Variants in ABCB4 observed in about 807,000 individuals in gnomAD.
ABCB4 encodes the protein ATP binding cassette subfamily B member 4.
ABCB4 carries 76 observed loss-of-function variants against 145.7 expected under a neutral mutation model. That is an observed-to-expected ratio of 0.52 (90% CI 0.43 to 0.63). The LOEUF is 0.63. ABCB4 is among the 30% of genes least tolerant of loss of function. The probability of loss-of-function intolerance (pLI) is 0.00; values close to 1 mark genes in which losing one functional copy is unlikely to be tolerated. For synonymous variants in ABCB4, 517 were observed against 566.8 expected (o/e 0.91, Z 1.25); for missense variants, 1,234 against 1,553.1 (o/e 0.79, Z 3.45).
At chr7:87,429,442 C>T (rs1810053226) in intron 15 of ABCB4, among the ~76,000 whole-genome samples, 1 of 152,166 alleles carries the variant, frequency 6.6e-6, no homozygotes, top group Non-Finnish European at 1.5e-5. Context: ...TACAACTTTT[C>T]CTAAGAAAGT....
intron 19 of ABCB4, among the ~76,000 whole-genome samples, chr7:87,419,052 C>T (rs1053110019): frequency 6.6e-6 from 1 of 152,126 alleles, no homozygotes; most frequent in Non-Finnish European, 1.5e-5. Flanking sequence ...TGGTTTCTCA[C>T]CAAGCTTTTG....
intron 9 of ABCB4, 68 bp from the exon 10 acceptor site, chr7:87,445,043 G>T: frequency 9.7e-7 from 1 of 1,028,940 alleles, no homozygotes; most frequent in Non-Finnish European, 1.5e-6. Context: ...AAAATGTGAT[G>T]TATATGTAAC....
At chr7:87,412,442 T>C (rs1359180936) in intron 22 of ABCB4, among the ~76,000 whole-genome samples, 2 of 152,194 alleles carry the variant, frequency 1.3e-5, no homozygotes, top group African/African-American at 4.8e-5. Flanking sequence ...TGTAACTAAT[T>C]GTACTCTGTT....
intron 12 of ABCB4, 79 bp downstream of exon 12, chr7:87,443,240 T>C: frequency 6.3e-7 from 1 of 1,587,598 alleles, no homozygotes; most frequent in Non-Finnish European, 8.6e-7. Flanking sequence ...ACACGCAAAT[T>C]TGTTACTGAA....
At chr7:87,418,964 T>C (rs1347296439) in intron 19 of ABCB4, among the ~76,000 whole-genome samples, 1 of 152,168 alleles carries the variant, frequency 6.6e-6, no homozygotes, top group Non-Finnish European at 1.5e-5. Context: ...CCTGATATGG[T>C]GTTGTCTCTC....
At chr7:87,453,798 G>A (rs1811925542) in intron 5 of ABCB4, among the ~76,000 whole-genome samples, 1 of 151,984 alleles carries the variant, frequency 6.6e-6, no homozygotes, top group Non-Finnish European at 1.5e-5. Context: ...TTATTGTACT[G>A]AAAAGTTCAC....
chr7:87,390,227 T>C, the ABCB4 span, among the ~76,000 whole-genome samples: 1 of 152,180 alleles, frequency 6.6e-6, no homozygotes, highest in Non-Finnish European at 1.5e-5. Flanking sequence ...TAGTTAATGC[T>C]CTTTGCTTTC....
chr7:87,462,564 C>A (rs1405742961), intron 4 of ABCB4, among the ~76,000 whole-genome samples, 194 bp downstream of exon 4: 1 of 152,138 alleles, frequency 6.6e-6, no homozygotes, highest in Non-Finnish European at 1.5e-5. Flanking sequence ...AACAACAATA[C>A]ACATATTTCT....
At chr7:87,392,502 G>A in the ABCB4 span, 5 of 1,304,136 alleles carry the variant, frequency 3.8e-6, no homozygotes, top group Non-Finnish European at 5.5e-6. Flanking sequence ...AATGAGCTTA[G>A]GATTTTTTTC....
At chr7:87,382,260 A>C in the ABCB4 span, 1 of 1,426,084 alleles carries the variant, frequency 7.0e-7, no homozygotes, top group Non-Finnish European at 9.8e-7. Context: ...CTGTCATCCA[A>C]GCATGTCTGC....
At chr7:87,418,405 T>C (rs1348937380) in intron 20 of ABCB4, 132 bp downstream of exon 20, 1 of 835,020 alleles carries the variant, frequency 1.2e-6, no homozygotes. Context: ...CTTCTGCTTA[T>C]TGTTTACAGC....
chr7:87,404,557 C>G (rs191020873), intron 26 of ABCB4, among the ~76,000 whole-genome samples: 1 of 152,256 alleles, frequency 6.6e-6, no homozygotes, highest in East Asian at 1.9e-4. Context: ...CAAAGACCTT[C>G]TTATAGGATG....
At chr7:87,407,152 G>A (rs1808258130) in intron 25 of ABCB4, among the ~76,000 whole-genome samples, 1 of 152,142 alleles carries the variant, frequency 6.6e-6, no homozygotes, top group African/African-American at 2.4e-5. Context: ...GTTGTAATAT[G>A]TACTTGAAAA....
At chr7:87,398,688 CTG>C (rs1356498140), downstream of ABCB4, 11 of 1,587,408 alleles carry the variant, frequency 6.9e-6, no homozygotes, top group Non-Finnish European at 8.6e-6. Flanking sequence ...TATCATTAAA[CTG>C]AGTGCTGGGA....
the ABCB4 span, among the ~76,000 whole-genome samples, chr7:87,392,202 C>T: frequency 6.6e-6 from 1 of 152,166 alleles, no homozygotes; most frequent in South Asian, 2.1e-4. Context: ...TTTAGTTTTG[C>T]TAGATGTGGT....
At chr7:87,398,878 A>G, downstream of ABCB4, 1 of 500,130 alleles carries the variant, frequency 2.0e-6, no homozygotes, top group Non-Finnish European at 3.6e-6. Context: ...ATTATGACAT[A>G]GTGAATATAG....
intron 7 of ABCB4, 39 bp from the exon 8 acceptor site, chr7:87,450,131 A>C (rs1811615297): frequency 1.2e-6 from 2 of 1,612,392 alleles, no homozygotes; most frequent in Non-Finnish European, 1.7e-6. Context: ...TTGTATAGGG[A>C]GAAAAGTTTA....
chr7:87,458,219 T>C (rs1012100970), intron 4 of ABCB4, among the ~76,000 whole-genome samples: 6 of 152,192 alleles, frequency 3.9e-5, no homozygotes, highest in Non-Finnish European at 8.8e-5. Flanking sequence ...ATAAAAGATA[T>C]CAAGTCCTTG....
intron 4 of ABCB4, among the ~76,000 whole-genome samples, chr7:87,456,723 A>G (rs17149640): frequency 6.6e-6 from 1 of 151,926 alleles, no homozygotes; most frequent in Non-Finnish European, 1.5e-5. Flanking sequence ...TCTCCCTCCT[A>G]GGAAAGAATC....
Sources: allele counts gnomAD v4.1 joint callset (sites outside exome capture counted in the v4.1 genomes callset), GRCh38; gene constraint gnomAD v4.1.1; transcripts MANE v1.5; gene names NCBI Gene and HGNC (gene_info 2026-07-23, HGNC 2026-07-21).